The following ZNF154 variants were observed in gnomAD, a reference collection of about 807,000 sequenced individuals.
The protein encoded by ZNF154 is zinc finger protein 154 (pHZ-92).
A neutral mutation model predicts 7.5 loss-of-function variants in ZNF154; 6 were observed. That is an observed-to-expected ratio of 0.80 (90% CI 0.44 to 1.57). ZNF154 has a LOEUF of 1.57. Ranked by LOEUF, ZNF154 falls within the 40% of genes most tolerant of loss-of-function variation. The pLI is 0.01. For missense variants in ZNF154, 485 were observed against 531.4 expected (o/e 0.91, Z 0.86); for synonymous variants, 187 against 185.9 (o/e 1.01, Z -0.05).
At chr19:57,707,072 C>T (rs1161277479) in intron 1 of ZNF154, among the ~76,000 whole-genome samples, 2 of 145,948 alleles carry the variant, frequency 1.4e-5, no homozygotes, top group Non-Finnish European at 3.0e-5. Flanking sequence ...AAGCTCGCGC[C>T]ATTGCACTCT....
rs1242260933 is a variant in ZNF154 at position 57,698,005 on chromosome 19, T to C, written c.*3630A>G. On this transcript the variant is annotated 3_prime_UTR_variant, in exon 3 of 3. Coordinates refer to ENST00000684351, the MANE Select transcript of ZNF154 (RefSeq NM_001085384.3). ...GCATTTTAAATATAAGCACTTTAAG[T>C]TCCATTATACCTCAAACTACTTTAA... 2.0e-5 allele frequency: 3 copies of C among 152,168 alleles called. No homozygotes were observed. The highest frequency in any genetic ancestry group is 2.9e-5 in the Non-Finnish European group (2 of 68,018). 9.4% of individuals were successfully genotyped at this position (152,168 alleles called of 1,614,324 possible). A position where few individuals can be genotyped will look rare whatever the true frequency, so the allele number is the denominator to read the frequency against.
intron 2 of ZNF154, among the ~76,000 whole-genome samples, chr19:57,703,430 A>G (rs551237216): frequency 7.0e-6 from 1 of 142,902 alleles, no homozygotes; most frequent in East Asian, 2.1e-4. Context: ...GGTTGCAGCG[A>G]GCCAAGATTG....
intron 1 of ZNF154, 91 bp downstream of exon 1, chr19:57,708,848 G>A: frequency 6.6e-7 from 1 of 1,510,132 alleles, no homozygotes; most frequent in African/African-American, 1.4e-5. Flanking sequence ...CCCGACCCTG[G>A]GCAGCGGGGA....
rs539518163 is a variant in ZNF154 at position 57,709,036 on chromosome 19, G to C, written c.-65C>G. On this transcript the variant is annotated 5_prime_UTR_variant, in exon 1 of 3. Coordinates refer to ENST00000684351, the MANE Select transcript of ZNF154 (RefSeq NM_001085384.3). Reference sequence around the variant, plus strand: ...ACATTGGTAGGGACCCGGGGACAGCGGTCCCTATCCCAGGCCTGACGTGGG... The same window carrying C: ...ACATTGGTAGGGACCCGGGGACAGCCGTCCCTATCCCAGGCCTGACGTGGG... 81 of 1,547,300 alleles carry C rather than the reference G, an allele frequency of 5.2e-5. No homozygotes were observed. In the South Asian group the frequency reaches 9.2e-4, roughly 18 times the overall value.
intron 1 of ZNF154, among the ~76,000 whole-genome samples, chr19:57,706,780 C>T (rs1456602977): frequency 6.6e-6 from 1 of 152,218 alleles, no homozygotes; most frequent in Non-Finnish European, 1.5e-5. Flanking sequence ...CCATTCTGCC[C>T]TTCCTGGCCA....
intron 1 of ZNF154, among the ~76,000 whole-genome samples, chr19:57,707,072 C>A (rs1161277479): frequency 1.4e-5 from 2 of 145,948 alleles, no homozygotes; most frequent in Non-Finnish European, 3.0e-5. Flanking sequence ...AAGCTCGCGC[C>A]ATTGCACTCT....
chr19:57,700,527 C>A lies in ZNF154; in HGVS notation c.*1108G>T, dbSNP rs1463485362. Reference sequence around the variant, plus strand: ...AGTACTTCTATAACAATTATAATTCCTACTATAATCTTACCACCTGTGGTG... The same window carrying A: ...AGTACTTCTATAACAATTATAATTCATACTATAATCTTACCACCTGTGGTG... On this transcript the variant is annotated 3_prime_UTR_variant, in exon 3 of 3. Transcript: ENST00000684351. 6.6e-6 allele frequency: 1 copy of A among 152,174 alleles called. No individual in the cohort carries two copies. The highest frequency in any genetic ancestry group is 1.5e-5 in the Non-Finnish European group (1 of 68,044). 9.4% of individuals were successfully genotyped at this position (152,174 alleles called of 1,614,324 possible). A position where few individuals can be genotyped will look rare whatever the true frequency, so the allele number is the denominator to read the frequency against.
In ZNF154 at chr19:57,702,802, C is replaced by T; in HGVS notation, c.161-14G>A. On this transcript the variant is annotated splice_polypyrimidine_tract_variant and intron_variant, in intron 2 of 2. Coordinates refer to ENST00000684351, the MANE Select transcript of ZNF154 (RefSeq NM_001085384.3). Reference sequence around the variant, plus strand: ...GATGATGAACATCTGCAATGAAATACAATTATTTCCCACATGCCCCACCTC... The same window carrying T: ...GATGATGAACATCTGCAATGAAATATAATTATTTCCCACATGCCCCACCTC... The T allele has an allele frequency of 6.3e-7, 1 of 1,589,620 alleles. No individual in the cohort carries two copies. The highest frequency in any genetic ancestry group is 8.6e-7 in the Non-Finnish European group (1 of 1,165,752).
rs1327211629 is a variant in ZNF154 at position 57,699,980 on chromosome 19, A to T, written c.*1655T>A. ...AGAGCAAGACTCTGACTCAAAAAAA[A>T]ATAAAAATAAAAATAAATCATGGTT... is the stretch of plus-strand genomic sequence containing the variant. On this transcript the variant is annotated 3_prime_UTR_variant, in exon 3 of 3. Transcript: ENST00000684351. 3 of 152,184 alleles carry T rather than the reference A, an allele frequency of 2.0e-5. No individual in the cohort carries two copies. Among genetic ancestry groups the T allele is most frequent in the African/African-American group, 7.2e-5 (3 of 41,422 alleles). 9.4% of individuals were successfully genotyped at this position (152,184 alleles called of 1,614,324 possible).
chr19:57,702,413 T>G lies in ZNF154; in HGVS notation c.536A>C (p.His179Pro). 1 of 1,614,152 alleles carries G rather than the reference T, an allele frequency of 6.2e-7. No homozygotes were observed. Among genetic ancestry groups the G allele is most frequent in the African/African-American group, 1.3e-5 (1 of 75,064 alleles). ...SFSKSYSLND[H>P]WRLHTGEKPY... ...CTTTTCTCCAGTGTGAAGTCTCCAA[T>G]GGTCATTGAGACTGTAGCTTTTGCT... Residue 179 changes from histidine (H) to proline (P), a missense_variant, in exon 3 of 3, where the codon CAT (histidine) becomes CCT (proline). His to Pro is a moderately conservative substitution (Grantham distance 77). Coordinates refer to ENST00000684351, the MANE Select transcript of ZNF154 (RefSeq NM_001085384.3).
At chr19:57,706,195 A>C (rs1189175005) in intron 1 of ZNF154, among the ~76,000 whole-genome samples, 2 of 152,136 alleles carry the variant, frequency 1.3e-5, no homozygotes, top group African/African-American at 4.8e-5. Flanking sequence ...ATTCAAACGG[A>C]TCTAATACTA....
Position 57,702,753 on chromosome 19 carries a change from G to T in ZNF154, c.196C>A (p.His66Asn), listed in dbSNP as rs1398680625. The T allele has an allele frequency of 6.2e-7, 1 of 1,602,362 alleles. No individual in the cohort carries two copies. The highest frequency in any genetic ancestry group is 8.5e-7 in the Non-Finnish European group (1 of 1,170,712). ...HHQKQHLGEKHFRSNVGRALF... is the reference protein window; with the variant it reads ...HHQKQHLGEKNFRSNVGRALF... ...GCTCTGCCCACATTGCTTCTGAAAT[G>T]TTTTTCTCCAAGGTGCTGCTTCTGA... Residue 66 changes from histidine (H) to asparagine (N), a missense_variant, in exon 3 of 3, where the codon CAT (histidine) becomes AAT (asparagine). Physicochemically the swap from His to Asn is moderately conservative, Grantham distance 68. Coordinates refer to ENST00000684351, the MANE Select transcript of ZNF154 (RefSeq NM_001085384.3).
chr19:57,709,198 C>T lies in ZNF154; in HGVS notation c.-227G>A, dbSNP rs187039120. The T allele has an allele frequency of 3.3e-4, 185 of 563,496 alleles. 1 individual carries two copies. In the East Asian group the frequency reaches 4.2e-3, roughly 13 times the overall value. 34.9% of individuals were successfully genotyped at this position (563,496 alleles called of 1,614,324 possible). A position where few individuals can be genotyped will look rare whatever the true frequency, so the allele number is the denominator to read the frequency against. Reference sequence around the variant, plus strand: ...ACACACCTCAGAGAAGCTAAAATGGCCGCCACGAAGAGGCCCCCCCAAAAG... The same window carrying T: ...ACACACCTCAGAGAAGCTAAAATGGTCGCCACGAAGAGGCCCCCCCAAAAG... On this transcript the variant is annotated 5_prime_UTR_variant, in exon 1 of 3. Coordinates refer to ENST00000684351, the MANE Select transcript of ZNF154 (RefSeq NM_001085384.3).
At position 57,702,714 on chromosome 19, in the gene ZNF154, T is replaced by A. The variant is rs1178905020; in HGVS notation, c.235A>T (p.Thr79Ser). The change falls in exon 3 of 3, where the codon ACC (threonine) becomes TCC (serine). Residue 79 changes from threonine (T) to serine (S), a missense_variant. Transcript: ENST00000684351. The part of the protein sequence containing the change: ...SNVGRALFVK[T>S]CTFHVSGEPS... ...TCCCCTGACACATGGAATGTGCAGG[T>A]CTTCACAAACAAGGCTCTGCCCACA... 1.9e-6 allele frequency: 3 copies of A among 1,612,970 alleles called. No homozygotes were observed. The African/African-American group carries it at 4.0e-5, about 22-fold the overall frequency.
In ZNF154 at chr19:57,699,370, G is replaced by A. The variant is rs1985029112; in HGVS notation, c.*2265C>T. 4.6e-6 allele frequency: 1 copy of A among 216,744 alleles called. No homozygotes were observed. The highest frequency in any genetic ancestry group is 9.9e-6 in the Non-Finnish European group (1 of 101,012). The allele number at this position is 216,744 out of a possible 1,614,324, so 13.4% of individuals were successfully genotyped here. A position where few individuals can be genotyped will look rare whatever the true frequency, so the allele number is the denominator to read the frequency against. On this transcript the variant is annotated 3_prime_UTR_variant, in exon 3 of 3. Transcript: ENST00000684351. ...CAAAGTGCTGGGATTACAGGCGTGA[G>A]CCACCGCACCCGGCTGAGATTTTCT...
chr19:57,706,567 A>T (rs1413136532), intron 1 of ZNF154, among the ~76,000 whole-genome samples: 1 of 152,190 alleles, frequency 6.6e-6, no homozygotes, highest in Non-Finnish European at 1.5e-5. Context: ...AGCACAAAGG[A>T]AAAAAAGGAC....
In ZNF154 at chr19:57,696,358, A is replaced by G. The variant is rs147175987; in HGVS notation, c.*5277T>C. On this transcript the variant is annotated 3_prime_UTR_variant, in exon 3 of 3. Transcript: ENST00000684351. ...AAGACCTGCCTGGATCAGGTAAATGATAAGGCATCAACTCACTAGGTGCTG... is the reference window on the plus strand; with the variant it reads ...AAGACCTGCCTGGATCAGGTAAATGGTAAGGCATCAACTCACTAGGTGCTG... Among the ~76,000 whole-genome samples, 367 of 152,270 alleles carry G rather than the reference A, an allele frequency of 2.4e-3. 2 individuals carry two copies. Among genetic ancestry groups the G allele is most frequent in the African/African-American group, 7.6e-3 (317 of 41,560 alleles).
In ZNF154 at chr19:57,709,142, A is replaced by G. The variant is rs555653048; in HGVS notation, c.-171T>C. ...CTCCCCTCACGCCTTCGTGGCCCCA[A>G]CTCGGCGCTCTGCTATCTCTGATCC... On this transcript the variant is annotated 5_prime_UTR_variant, in exon 1 of 3. Coordinates refer to ENST00000684351, the MANE Select transcript of ZNF154 (RefSeq NM_001085384.3). The G allele has an allele frequency of 4.3e-4, 356 of 835,612 alleles. No individual in the cohort carries two copies. The highest frequency in any genetic ancestry group is 3.0e-3 in the Middle Eastern group (8 of 2,686). 51.8% of individuals were successfully genotyped at this position (835,612 alleles called of 1,614,324 possible).
At position 57,701,725 on chromosome 19, in the gene ZNF154, A is replaced by G. The variant is rs911219231; in HGVS notation, c.1224T>C (p.Thr408=). ...CCGTGCACTCATAAGGCTTCTCCCCAGTGTGAACCCTCCTGTGCTTAATGA... is the reference window on the plus strand; with the variant it reads ...CCGTGCACTCATAAGGCTTCTCCCCGGTGTGAACCCTCCTGTGCTTAATGA... ...SGLIKHRRVH[T]GEKPYECTEC... The change falls in exon 3 of 3, where the codon ACT becomes ACC. Residue 408 remains threonine, a synonymous_variant. Coordinates refer to ENST00000684351, the MANE Select transcript of ZNF154 (RefSeq NM_001085384.3). 3.7e-6 allele frequency: 6 copies of G among 1,614,078 alleles called. No individual in the cohort carries two copies. In the African/African-American group the frequency reaches 6.7e-5, roughly 18 times the overall value.
Sources: gnomAD v4.1 joint callset for allele counts (sites outside exome capture counted in the v4.1 genomes callset) on GRCh38, gnomAD v4.1.1 for gene constraint, MANE v1.5 for transcripts, NCBI Gene and HGNC (gene_info 2026-07-23, HGNC 2026-07-21) for gene names.